The following ELMO1 variants were observed in gnomAD, a reference collection of about 807,000 sequenced individuals.
ELMO1 encodes engulfment and cell motility 1, also known as engulfment and cell motility protein 1.
A neutral mutation model predicts 98.9 loss-of-function variants in ELMO1; 26 were observed. The observed-to-expected ratio is 0.26, with a 90% CI of 0.19 to 0.36. ELMO1 has a LOEUF of 0.36. Among genes scored for constraint, ELMO1 ranks in the 10% least tolerant of loss-of-function variants. The pLI, the probability that ELMO1 is intolerant of heterozygous loss-of-function variation, is 1.00. For missense variants in ELMO1, 627 were observed against 935.2 expected (o/e 0.67, Z 4.30); for synonymous variants, 346 against 346.0 (o/e 1.00, Z 0.00).
intron 16 of ELMO1, among the ~76,000 whole-genome samples, chr7:36,956,505 T>C (rs550177172): frequency 1.3e-5 from 2 of 152,324 alleles, no homozygotes; most frequent in South Asian, 4.1e-4. Context: ...TCATGTTATA[T>C]GTTTGTAAAG....
chr7:37,317,572 G>C (rs1583533467), intron 2 of ELMO1, among the ~76,000 whole-genome samples: 1 of 152,316 alleles, frequency 6.6e-6, no homozygotes, highest in Admixed American at 6.5e-5. Flanking sequence ...GCCAGGCACA[G>C]AAAGACAAAC....
In ELMO1 at chr7:37,347,833, C is replaced by A. The variant is rs369045414; in HGVS notation, c.-73-5070G>T. Among the ~76,000 whole-genome samples the A allele has an allele frequency of 3.9e-5, 6 of 152,260 alleles. No individual in the cohort carries two copies. The East Asian group carries it at 7.7e-4, about 20-fold the overall frequency. On this transcript the variant is annotated intron_variant, in intron 1 of 21. Coordinates refer to ENST00000310758, the MANE Select transcript of ELMO1 (RefSeq NM_014800.11). ...ACCTATCCCATCCTTGAACTGGACA[C>A]AAGGCACATGGTCTCATCAGGCTCT...
rs1267136756 is a variant in ELMO1, at chr7:37,267,034, TATATACACACAC to T, written c.243+4786_243+4797del. On this transcript the variant is annotated intron_variant, in intron 5 of 21. Transcript: ENST00000310758. Reference sequence around the variant, plus strand: ...TCTAAAAAAAAAAAAAAAATATGTATATATACACACACACACACACACACACACACACACACA... The same window carrying T: ...TCTAAAAAAAAAAAAAAAATATGTATACACACACACACACACACACACACA... Among the ~76,000 whole-genome samples the T allele has an allele frequency of 5.7e-4, 49 of 85,418 alleles. 5 individuals are homozygous for T. Among genetic ancestry groups the T allele is most frequent in the Middle Eastern group, 6.5e-3 (1 of 154 alleles). The allele number at this position is 85,418 out of a possible 152,430, so 56.0% of individuals were successfully genotyped here.
intron 1 of ELMO1, among the ~76,000 whole-genome samples, chr7:37,446,282 C>T (rs936934083): frequency 3.4e-4 from 52 of 152,260 alleles, no homozygotes; most frequent in African/African-American, 1.3e-3. Context: ...TAGTCACTAC[C>T]CTCATGGAAC....
At chr7:36,872,895 C>G (rs943448319) in intron 19 of ELMO1, among the ~76,000 whole-genome samples, 2 of 152,158 alleles carry the variant, frequency 1.3e-5, no homozygotes, top group African/African-American at 4.8e-5. Flanking sequence ...GAACTAGAGA[C>G]AGTGTCCACA....
intron 1 of ELMO1, among the ~76,000 whole-genome samples, chr7:37,362,675 A>G (rs867304713): frequency 1.3e-5 from 2 of 152,074 alleles, no homozygotes; most frequent in Non-Finnish European, 2.9e-5. Flanking sequence ...GTATCTCACA[A>G]GCATCTCAAA....
At chr7:37,355,227 A>G (rs1488878533) in intron 1 of ELMO1, among the ~76,000 whole-genome samples, 5 of 152,142 alleles carry the variant, frequency 3.3e-5, no homozygotes, top group Non-Finnish European at 7.4e-5. Flanking sequence ...ACAACATGTG[A>G]CCCTCAGTAT....
chr7:37,359,316 G>A (rs1801611155), intron 1 of ELMO1, among the ~76,000 whole-genome samples: 1 of 152,222 alleles, frequency 6.6e-6, no homozygotes, highest in Non-Finnish European at 1.5e-5. Context: ...GACTCTGACT[G>A]TCTGTATTCT....
At chr7:37,088,566 A>T (rs1353105922) in intron 15 of ELMO1, among the ~76,000 whole-genome samples, 1 of 152,176 alleles carries the variant, frequency 6.6e-6, no homozygotes, top group Non-Finnish European at 1.5e-5. Context: ...ATGACTGATG[A>T]TGACTGATGA....
At chr7:37,280,938 C>T (rs1371156679) in intron 4 of ELMO1, among the ~76,000 whole-genome samples, 4 of 134,594 alleles carry the variant, frequency 3.0e-5, no homozygotes, top group Non-Finnish European at 6.5e-5. Context: ...ATAGCAAAAT[C>T]ATGGAACCAA....
At chr7:37,121,242 C>T (rs2129288095) in intron 14 of ELMO1, among the ~76,000 whole-genome samples, 1 of 152,324 alleles carries the variant, frequency 6.6e-6, no homozygotes, top group South Asian at 2.1e-4. Flanking sequence ...AGGAACGCAG[C>T]TCCTCACCAG....
At chr7:37,118,712 G>A (rs1224946337) in intron 14 of ELMO1, among the ~76,000 whole-genome samples, 1 of 152,160 alleles carries the variant, frequency 6.6e-6, no homozygotes, top group Non-Finnish European at 1.5e-5. Context: ...GCACTAACTC[G>A]AGTGCCTTCA....
At position 37,171,509 on chromosome 7, in the gene ELMO1, T is replaced by TTTTTTG. The variant is rs1352287795; in HGVS notation, c.1087-38276_1087-38275insCAAAAA. Among the ~76,000 whole-genome samples the TTTTTTG allele has an allele frequency of 1.5e-4, 22 of 142,626 alleles. 1 individual carries two copies. The highest frequency in any genetic ancestry group is 2.9e-4 in the Admixed American group (4 of 13,626). The allele number at this position is 142,626 out of a possible 152,430, so 93.6% of individuals were successfully genotyped here. ...TTTTTTTTTTTTTTTTTTTTTTTTTTTGAGACAGAGTCTCGCTCTGTCACC... is the reference window on the plus strand; with the variant it reads ...TTTTTTTTTTTTTTTTTTTTTTTTTTTTTTTGTGAGACAGAGTCTCGCTCTGTCACC... On this transcript the variant is annotated intron_variant, in intron 13 of 21. Coordinates refer to ENST00000310758, the MANE Select transcript of ELMO1 (RefSeq NM_014800.11).
At position 37,379,005 on chromosome 7, in the gene ELMO1, A is replaced by G. The variant is rs188037675; in HGVS notation, c.-73-36242T>C. On this transcript the variant is annotated intron_variant, in intron 1 of 21. Coordinates refer to ENST00000310758, the MANE Select transcript of ELMO1 (RefSeq NM_014800.11). The stretch of plus-strand genomic sequence containing the variant: ...CCTTCAGTGGATCCCCATTGCTCCT[A>G]GAATTCTTAACAGGACTTTATCTTG... Among the ~76,000 whole-genome samples the G allele has an allele frequency of 2.3e-3, 350 of 152,132 alleles. 2 individuals are homozygous for G. Among genetic ancestry groups the G allele is most frequent in the African/African-American group, 7.8e-3 (325 of 41,534 alleles).
intron 14 of ELMO1, among the ~76,000 whole-genome samples, chr7:37,131,535 T>C (rs748344067): frequency 2.0e-5 from 3 of 152,228 alleles, no homozygotes; most frequent in Admixed American, 6.5e-5. Flanking sequence ...CCATGAACAT[T>C]AATCAGTTAG....
intron 13 of ELMO1, among the ~76,000 whole-genome samples, chr7:37,183,055 G>T (rs148387416): frequency 6.8e-4 from 103 of 152,282 alleles, no homozygotes; most frequent in Middle Eastern, 6.8e-3. Flanking sequence ...AGACCAGCTT[G>T]CATGGAGTCA....
chr7:37,082,013 T>C (rs560952900), intron 15 of ELMO1, among the ~76,000 whole-genome samples: 1 of 152,338 alleles, frequency 6.6e-6, no homozygotes, highest in Non-Finnish European at 1.5e-5. Context: ...AACAATTAAA[T>C]TGCCAATAAA....
chr7:37,345,813 C>A, intron 1 of ELMO1, among the ~76,000 whole-genome samples: 1 of 151,946 alleles, frequency 6.6e-6, no homozygotes, highest in Admixed American at 6.5e-5. Context: ...CGCCGTGAAA[C>A]CCCATCTCTA....
At chr7:36,917,291 A>T (rs1784777544) in intron 16 of ELMO1, among the ~76,000 whole-genome samples, 1 of 152,246 alleles carries the variant, frequency 6.6e-6, no homozygotes, top group Non-Finnish European at 1.5e-5. Flanking sequence ...CATAAAAAAG[A>T]TACTTAAATC....
Sources: gnomAD v4.1 joint callset for allele counts (sites outside exome capture counted in the v4.1 genomes callset) on GRCh38, gnomAD v4.1.1 for gene constraint, MANE v1.5 for transcripts, NCBI Gene and HGNC (gene_info 2026-07-23, HGNC 2026-07-21) for gene names.